CHSY3: variants seen among roughly 807,000 people sequenced by gnomAD.
The protein encoded by CHSY3 is N-acetylgalactosaminyl-proteoglycan 3-beta-glucuronosyltransferase 3.
Under a neutral mutation model 67.2 loss-of-function variants are expected in CHSY3, and 35 were observed. That is an observed-to-expected ratio of 0.52 (90% confidence interval 0.40 to 0.69). The LOEUF is 0.69. Ranked by LOEUF, CHSY3 falls within the 30% of genes least tolerant of loss-of-function variation. The probability of loss-of-function intolerance (pLI) is 0.00; values close to 1 mark genes in which losing one functional copy is unlikely to be tolerated. For synonymous variants in CHSY3, 474 were observed against 434.7 expected (o/e 1.09, Z -1.12); for missense variants, 1,069 against 1,138.5 (o/e 0.94, Z 0.88).
intron 2 of CHSY3, among the ~76,000 whole-genome samples, chr5:130,173,919 G>C: frequency 6.6e-6 from 1 of 151,662 alleles, no homozygotes; most frequent in Middle Eastern, 3.4e-3. Context: ...CAATAATTGA[G>C]GGCAAACAAT....
In CHSY3 at chr5:130,034,201, G is replaced by GTTTTT. The variant is rs34723660; in HGVS notation, c.1086+125842_1086+125846dup. ...TATGTAAGAATAATACAGCAGTTAA[G>GTTTTT]TTTTTCTTTTTCAAATAACATACTT... is the stretch of plus-strand genomic sequence containing the variant. On this transcript the variant is annotated intron_variant, in intron 2 of 2. Transcript: ENST00000305031. Among the ~76,000 whole-genome samples, 52 of 151,892 alleles carry GTTTTT rather than the reference G, an allele frequency of 3.4e-4. No individual in the cohort carries two copies. In the South Asian group the frequency reaches 5.2e-3, roughly 15 times the overall value.
intron 2 of CHSY3, among the ~76,000 whole-genome samples, chr5:130,016,368 T>A (rs1030522646): frequency 6.6e-6 from 1 of 152,212 alleles, no homozygotes; most frequent in Non-Finnish European, 1.5e-5. Flanking sequence ...ATTTTGTCCA[T>A]CATTTTCAAA....
At chr5:130,095,930 C>A (rs1309089286) in intron 2 of CHSY3, among the ~76,000 whole-genome samples, 1 of 152,258 alleles carries the variant, frequency 6.6e-6, no homozygotes, top group Non-Finnish European at 1.5e-5. Context: ...TGGTATCGTT[C>A]CAGATAATGC....
At chr5:130,140,522 T>C in intron 2 of CHSY3, 1 of 746,456 alleles carries the variant, frequency 1.3e-6, no homozygotes, top group South Asian at 2.1e-5. Flanking sequence ...ATTGTTAGTC[T>C]CAATGTACTT....
At chr5:130,029,444 T>C (rs181692704) in intron 2 of CHSY3, among the ~76,000 whole-genome samples, 8 of 152,178 alleles carry the variant, frequency 5.3e-5, no homozygotes, top group African/African-American at 1.7e-4. Context: ...GCATTATTAA[T>C]AGAATATAGA....
At chr5:130,142,198 A>T (rs1406923683) in intron 2 of CHSY3, among the ~76,000 whole-genome samples, 1 of 152,210 alleles carries the variant, frequency 6.6e-6, no homozygotes, top group African/African-American at 2.4e-5. Flanking sequence ...AAAAAATTCT[A>T]TAATAATATG....
At chr5:130,137,265 C>T (rs2149716990) in intron 2 of CHSY3, among the ~76,000 whole-genome samples, 1 of 152,260 alleles carries the variant, frequency 6.6e-6, no homozygotes, top group East Asian at 1.9e-4. Context: ...CAAAATACAT[C>T]TTCCTACAAC....
chr5:130,186,517 T>C lies in CHSY3; in HGVS notation c.*726T>C, dbSNP rs1483884286. 6.5e-6 allele frequency: 1 copy of C among 152,772 alleles called. No individual in the cohort carries two copies. The highest frequency in any genetic ancestry group is 2.4e-5 in the African/African-American group (1 of 41,462). The allele number at this position is 152,772 out of a possible 1,614,324, so 9.5% of individuals were successfully genotyped here. Reference sequence around the variant, plus strand: ...TGATTTAATTAAATATTCATGTACATTTTAGAAGCTTTATGAAACAATGTC... The same window carrying C: ...TGATTTAATTAAATATTCATGTACACTTTAGAAGCTTTATGAAACAATGTC... On this transcript the variant is annotated 3_prime_UTR_variant, in exon 3 of 3. Coordinates refer to ENST00000305031, the MANE Select transcript of CHSY3 (RefSeq NM_175856.5).
chr5:130,167,608 C>T (rs1769785877), intron 2 of CHSY3, among the ~76,000 whole-genome samples: 1 of 152,090 alleles, frequency 6.6e-6, no homozygotes, highest in East Asian at 1.9e-4. Context: ...TTGGATTTTA[C>T]TTGATCTGGA....
rs189666850 is a variant in CHSY3, at chr5:130,069,599, A to C, written c.1087-114630A>C. ...CTATTTGGTAAATGTATACATACAA[A>C]TCTTTGCTGTCTTAGCTACTTAACA... is the stretch of plus-strand genomic sequence containing the variant. On this transcript the variant is annotated intron_variant, in intron 2 of 2. Transcript: ENST00000305031. 8.5e-5 allele frequency among the ~76,000 whole-genome samples: 13 copies of C among 152,214 alleles called. No individual in the cohort carries two copies. The East Asian group carries it at 2.5e-3, about 29-fold the overall frequency.
chr5:130,046,408 A>C (rs1765149970), intron 2 of CHSY3, among the ~76,000 whole-genome samples: 1 of 152,146 alleles, frequency 6.6e-6, no homozygotes, highest in Non-Finnish European at 1.5e-5. Flanking sequence ...CTAGTTATTA[A>C]GGTGCTTCAA....
Position 129,908,373 on chromosome 5 carries a change from C to G in CHSY3, c.1086+13C>G. The G allele has an allele frequency of 6.2e-7, 1 of 1,612,334 alleles. No homozygotes were observed. Among genetic ancestry groups the G allele is most frequent in the Non-Finnish European group, 8.5e-7 (1 of 1,178,704 alleles). On this transcript the variant is annotated intron_variant, in intron 2 of 2. Transcript: ENST00000305031. ...CTGGTCTTACGAGGTAAGCATGGAG[C>G]TGTGATGAAAATGTTCACATAGTAC...
chr5:129,937,391 C>T (rs114037494), intron 2 of CHSY3, among the ~76,000 whole-genome samples: 99 of 152,298 alleles, frequency 6.5e-4, no homozygotes, highest in African/African-American at 2.3e-3. Context: ...CATTCAATCA[C>T]CTCCCACCAA....
intron 2 of CHSY3, among the ~76,000 whole-genome samples, chr5:130,026,890 T>C (rs1045010266): frequency 1.3e-5 from 2 of 152,068 alleles, no homozygotes; most frequent in Non-Finnish European, 2.9e-5. Flanking sequence ...ATATTATTTT[T>C]CCCAACGGCC....
intron 2 of CHSY3, among the ~76,000 whole-genome samples, chr5:129,978,182 T>A (rs1288438079): frequency 6.6e-6 from 1 of 152,166 alleles, no homozygotes; most frequent in African/African-American, 2.4e-5. Context: ...ATTATTTTGT[T>A]GGCATTTTGG....
chr5:130,088,916 C>G lies in CHSY3; in HGVS notation c.1087-95313C>G, dbSNP rs560243654. Among the ~76,000 whole-genome samples the G allele has an allele frequency of 5.9e-3, 904 of 152,016 alleles. 11 individuals carry two copies. Among genetic ancestry groups the G allele is most frequent in the African/African-American group, 0.021 (860 of 41,466 alleles). On this transcript the variant is annotated intron_variant, in intron 2 of 2. Coordinates refer to ENST00000305031, the MANE Select transcript of CHSY3 (RefSeq NM_175856.5). ...TAAATCATGCTGCTATAAAGACACA[C>G]GCACACGTATGTTTATTGCGGCACT...
chr5:130,040,806 G>C (rs1391899258), intron 2 of CHSY3, among the ~76,000 whole-genome samples: 1 of 152,014 alleles, frequency 6.6e-6, no homozygotes, highest in Non-Finnish European at 1.5e-5. Context: ...TTTTTTCAAG[G>C]CTCTTCCTAA....
chr5:130,175,450 C>T (rs529603123), intron 2 of CHSY3, among the ~76,000 whole-genome samples: 259 of 152,226 alleles, frequency 1.7e-3, no homozygotes, highest in African/African-American at 6.0e-3. Flanking sequence ...TTTATAGATT[C>T]AATGCTATCC....
chr5:130,144,869 T>C (rs532152167), intron 2 of CHSY3, among the ~76,000 whole-genome samples: 272 of 152,330 alleles, frequency 1.8e-3, no homozygotes, highest in Middle Eastern at 6.8e-3. Context: ...CTCACAGTTC[T>C]GCAGGCTGTA....
Sources: allele counts gnomAD v4.1 joint callset (sites outside exome capture counted in the v4.1 genomes callset), GRCh38; gene constraint gnomAD v4.1.1; transcripts MANE v1.5; gene names NCBI Gene and HGNC (gene_info 2026-07-23, HGNC 2026-07-21).